Variants in ADAM32 observed in about 807,000 individuals in gnomAD.
ADAM32 encodes ADAM metallopeptidase domain 32.
In ADAM32, 89 loss-of-function variants were observed where a neutral mutation model predicts 114.9. The observed-to-expected ratio is 0.77, with a 90% CI of 0.65 to 0.92. ADAM32 has a LOEUF of 0.92. Among genes scored for constraint, ADAM32 ranks in the 40% least tolerant of loss-of-function variants. The probability of loss-of-function intolerance (pLI) is 0.00; values close to 1 mark genes in which losing one functional copy is unlikely to be tolerated. For missense variants in ADAM32, 870 were observed against 932.8 expected (o/e 0.93, Z 0.88); for synonymous variants, 285 against 307.5 (o/e 0.93, Z 0.77).
chr8:39,228,443 T>C (rs1345736987), intron 14 of ADAM32, among the ~76,000 whole-genome samples: 1 of 151,506 alleles, frequency 6.6e-6, no homozygotes, highest in Non-Finnish European at 1.5e-5. Context: ...ATACAAGAAG[T>C]GAAGGGAGAA....
intron 19 of ADAM32, among the ~76,000 whole-genome samples, chr8:39,258,123 T>C (rs10099331): frequency 0.51 from 77,290 of 151,446 alleles, 21,632 homozygotes; most frequent in African/African-American, 0.76. Context: ...TTGGTTTGTT[T>C]GTTTTGTCTT....
intron 17 of ADAM32, among the ~76,000 whole-genome samples, chr8:39,252,147 T>A (rs1436126356): frequency 6.6e-6 from 1 of 151,794 alleles, no homozygotes; most frequent in Admixed American, 6.6e-5. Flanking sequence ...AGTCAGATAA[T>A]GTTATGCATT....
chr8:39,243,456 C>A (rs1170443246), intron 16 of ADAM32, among the ~76,000 whole-genome samples: 1 of 152,088 alleles, frequency 6.6e-6, no homozygotes, highest in Non-Finnish European at 1.5e-5. Context: ...TGGTATCATA[C>A]CAGAGATGCA....
At chr8:39,256,164 C>T (rs905476130) in intron 18 of ADAM32, among the ~76,000 whole-genome samples, 2 of 151,862 alleles carry the variant, frequency 1.3e-5, no homozygotes, top group African/African-American at 4.8e-5. Flanking sequence ...CTGAATGTGC[C>T]CGATCTTGTC....
Position 39,257,172 on chromosome 8 carries a change from TATTTCTG to T in ADAM32, c.2006-14_2006-8del. The stretch of plus-strand genomic sequence containing the variant: ...TAATTTTTTTGTTTTTTTTTTTTTG[TATTTCTG>T]TTTTTAGGTTCAATCATGGAAAGAG... On this transcript the variant is annotated splice_polypyrimidine_tract_variant and splice_region_variant and intron_variant, in intron 18 of 24. Transcript: ENST00000379907. The T allele has an allele frequency of 2.0e-6, 3 of 1,508,896 alleles. No homozygotes were observed. Among genetic ancestry groups the T allele is most frequent in the South Asian group, 1.3e-5 (1 of 74,278 alleles). 93.5% of individuals were successfully genotyped at this position (1,508,896 alleles called of 1,614,324 possible). A position where few individuals can be genotyped will look rare whatever the true frequency, so the allele number is the denominator to read the frequency against.
intron 11 of ADAM32, among the ~76,000 whole-genome samples, chr8:39,200,757 G>A (rs1807342189): frequency 6.6e-6 from 1 of 152,140 alleles, no homozygotes; most frequent in South Asian, 2.1e-4. Flanking sequence ...ATGGTTTTAG[G>A]TCTAACATTT....
At chr8:39,109,589 T>G (rs539271378) in intron 1 of ADAM32, among the ~76,000 whole-genome samples, 24 of 152,202 alleles carry the variant, frequency 1.6e-4, no homozygotes, top group Admixed American at 1.5e-3. Flanking sequence ...ACATTATTTT[T>G]TAGAGTACGT....
intron 19 of ADAM32, among the ~76,000 whole-genome samples, chr8:39,268,533 T>A (rs1343917351): frequency 6.6e-6 from 1 of 152,234 alleles, no homozygotes; most frequent in Admixed American, 6.5e-5. Flanking sequence ...AAACATGTTA[T>A]CTCAGTCTAA....
intron 7 of ADAM32, among the ~76,000 whole-genome samples, chr8:39,162,002 AT>A (rs1804538652): frequency 2.4e-3 from 1 of 418 alleles, no homozygotes; most frequent in African/African-American, 2.7e-3. Flanking sequence ...ATTTTATTTT[AT>A]ATATATATAT....
chr8:39,112,793 C>A (rs896537633), intron 1 of ADAM32, among the ~76,000 whole-genome samples: 1 of 152,152 alleles, frequency 6.6e-6, no homozygotes, highest in Non-Finnish European at 1.5e-5. Flanking sequence ...GAGAGTTTAG[C>A]TATGGGACTA....
chr8:39,267,776 G>T lies in ADAM32; in HGVS notation c.2163-3100G>T, dbSNP rs181737189. On this transcript the variant is annotated intron_variant, in intron 19 of 24. Coordinates refer to ENST00000379907, the MANE Select transcript of ADAM32 (RefSeq NM_145004.7). Reference sequence around the variant, plus strand: ...GGACTGCACAATCTAAGCTGAACCCGGTTGGCTAACTTGAAAAGTGCAGGA... The same window carrying T: ...GGACTGCACAATCTAAGCTGAACCCTGTTGGCTAACTTGAAAAGTGCAGGA... Among the ~76,000 whole-genome samples the T allele has an allele frequency of 1.0e-3, 156 of 152,296 alleles. 1 individual carries two copies. The highest frequency in any genetic ancestry group is 2.0e-3 in the Non-Finnish European group (135 of 68,030).
Position 39,263,229 on chromosome 8 carries a change from T to C in ADAM32, c.2162+5886T>C, listed in dbSNP as rs181861247. 3.3e-5 allele frequency among the ~76,000 whole-genome samples: 5 copies of C among 152,346 alleles called. No homozygotes were observed. In the East Asian group the frequency reaches 9.6e-4, roughly 29 times the overall value. On this transcript the variant is annotated intron_variant, in intron 19 of 24. Coordinates refer to ENST00000379907, the MANE Select transcript of ADAM32 (RefSeq NM_145004.7). ...TATAGGTTATATGGGTATGGAACTT[T>C]AGGTGAACAGTTATTTTTGTAAGGC...
intron 17 of ADAM32, among the ~76,000 whole-genome samples, chr8:39,248,114 G>T (rs768410852): frequency 1.3e-5 from 2 of 152,128 alleles, no homozygotes; most frequent in South Asian, 2.1e-4. Flanking sequence ...GTTGAAGTTG[G>T]GTAGTGTTAG....
chr8:39,175,808 T>TG (rs1413306729), intron 10 of ADAM32, among the ~76,000 whole-genome samples: 1 of 152,174 alleles, frequency 6.6e-6, no homozygotes, highest in Non-Finnish European at 1.5e-5. Context: ...TTTCTGGTCC[T>TG]GGGCTCTTTT....
In ADAM32 at chr8:39,142,997, C is replaced by T. The variant is rs1434760116; in HGVS notation, c.201-4133C>T. Among the ~76,000 whole-genome samples the T allele has an allele frequency of 2.6e-5, 4 of 152,094 alleles. No individual in the cohort carries two copies. The South Asian group carries it at 6.2e-4, about 24-fold the overall frequency. On this transcript the variant is annotated intron_variant, in intron 3 of 24. Transcript: ENST00000379907. ...TATTGTTTCTTCCACTTGATCGAATCGGCTATTGAAGCTTGTGCATGCATC... is the reference window on the plus strand; with the variant it reads ...TATTGTTTCTTCCACTTGATCGAATTGGCTATTGAAGCTTGTGCATGCATC...
chr8:39,284,694 A>T, intron 24 of ADAM32, 99 bp from the exon 25 acceptor site: 1 of 1,320,680 alleles, frequency 7.6e-7, no homozygotes, highest in Non-Finnish European at 1.1e-6. Flanking sequence ...TTTTCGTGCC[A>T]CATGAATTTT....
intron 11 of ADAM32, among the ~76,000 whole-genome samples, chr8:39,202,194 A>T (rs1470180779): frequency 6.6e-6 from 1 of 152,186 alleles, no homozygotes; most frequent in African/African-American, 2.4e-5. Flanking sequence ...ATAGTTTCAG[A>T]AGGAAGGATA....
intron 16 of ADAM32, among the ~76,000 whole-genome samples, chr8:39,245,459 A>G (rs1034411680): frequency 2.0e-5 from 3 of 152,200 alleles, no homozygotes; most frequent in Admixed American, 1.3e-4. Context: ...TGAAATAAAA[A>G]TTAAAAAAAG....
intron 11 of ADAM32, among the ~76,000 whole-genome samples, chr8:39,188,433 T>A (rs1806393532): frequency 6.6e-6 from 1 of 152,126 alleles, no homozygotes; most frequent in Non-Finnish European, 1.5e-5. Context: ...AACATAAGAA[T>A]AATTATTTTG....
Sources: gnomAD v4.1 joint callset for allele counts (sites outside exome capture counted in the v4.1 genomes callset) on GRCh38, gnomAD v4.1.1 for gene constraint, MANE v1.5 for transcripts, NCBI Gene and HGNC (gene_info 2026-07-23, HGNC 2026-07-21) for gene names.